The following GREB1 variants were observed in gnomAD, a reference collection of about 807,000 sequenced individuals.
GREB1 encodes growth regulating estrogen receptor binding 1.
A neutral mutation model predicts 200.7 loss-of-function variants in GREB1; 106 were observed. The ratio of observed to expected loss-of-function variants is 0.53; its 90% CI spans 0.45 to 0.62. GREB1 has a LOEUF of 0.62. Ranked by LOEUF, GREB1 falls within the 20% of genes least tolerant of loss-of-function variation. The probability of loss-of-function intolerance (pLI) is 0.00; values close to 1 mark genes in which losing one functional copy is unlikely to be tolerated. For synonymous variants in GREB1, 1,132 were observed against 1,092.4 expected (o/e 1.04, Z -0.72); for missense variants, 2,243 against 2,556.8 (o/e 0.88, Z 2.65).
At chr2:11,613,834 T>C (rs1683149659) in intron 19 of GREB1, among the ~76,000 whole-genome samples, 2 of 152,196 alleles carry the variant, frequency 1.3e-5, no homozygotes, top group Admixed American at 1.3e-4. Context: ...TCCTGTTTCA[T>C]GGTTGAGTCA....
chr2:11,637,788 G>T lies in GREB1; in HGVS notation c.5419G>T (p.Ala1807Ser). Residue 1807 changes from alanine (A) to serine (S), a missense_variant, in exon 31 of 33, where the codon GCA (alanine) becomes TCA (serine). Ala to Ser is a moderately conservative substitution (Grantham distance 99). This residue lies in a region of GREB1 where 478 missense variants were observed against 616.3 expected (regional missense o/e 0.78). Transcript: ENST00000381486. ...CAPDSKHTFL[A>S]APAQLLLEKF... is the part of the protein sequence containing the mutation. The stretch of plus-strand genomic sequence containing the variant: ...CCCGGACAGCAAGCACACGTTCCTC[G>T]CAGCGCCCGCCCAGCTCCTGCTGGA... The T allele has an allele frequency of 6.2e-7, 1 of 1,614,026 alleles. No homozygotes were observed. The highest frequency in any genetic ancestry group is 8.5e-7 in the Non-Finnish European group (1 of 1,180,010).
chr2:11,578,255 G>A (rs1359226799), intron 5 of GREB1, 42 bp from the exon 6 acceptor site: 8 of 1,589,324 alleles, frequency 5.0e-6, no homozygotes, highest in South Asian at 1.1e-5. Context: ...AGTTGTTGGA[G>A]AAGAGCGAGT....
chr2:11,590,758 A>G (rs995486273), intron 10 of GREB1, among the ~76,000 whole-genome samples: 2 of 152,176 alleles, frequency 1.3e-5, no homozygotes, highest in Non-Finnish European at 2.9e-5. Context: ...CCGATGTCCC[A>G]TAGCATCTGA....
intron 4 of GREB1, among the ~76,000 whole-genome samples, chr2:11,576,137 C>G (rs1201337411): frequency 6.6e-6 from 1 of 151,992 alleles, no homozygotes; most frequent in Non-Finnish European, 1.5e-5. Flanking sequence ...AACCCCGTCT[C>G]TACTAAAAAA....
chr2:11,631,370 A>T (rs76187647), intron 26 of GREB1, among the ~76,000 whole-genome samples: 1 of 152,232 alleles, frequency 6.6e-6, no homozygotes, highest in Non-Finnish European at 1.5e-5. Context: ...TACAAGAATA[A>T]TGTGTGCTCT....
At chr2:11,564,600 T>A (rs1482682579) in intron 3 of GREB1, among the ~76,000 whole-genome samples, 2 of 152,238 alleles carry the variant, frequency 1.3e-5, no homozygotes, top group African/African-American at 2.4e-5. Context: ...ACACTGTGAC[T>A]ACTCATGGCC....
At chr2:11,521,925 C>T (rs1016191122) in intron 1 of GREB1, among the ~76,000 whole-genome samples, 2 of 152,182 alleles carry the variant, frequency 1.3e-5, no homozygotes, top group African/African-American at 4.8e-5. Context: ...CCACACGTGT[C>T]CTGCAGCGAT....
At chr2:11,526,144 C>G (rs976572631) in intron 1 of GREB1, among the ~76,000 whole-genome samples, 1 of 152,150 alleles carries the variant, frequency 6.6e-6, no homozygotes, top group Non-Finnish European at 1.5e-5. Context: ...GGATAGAGCC[C>G]TAGTTTTATG....
At chr2:11,516,561 C>T (rs1202833008) in intron 1 of GREB1, among the ~76,000 whole-genome samples, 1 of 152,178 alleles carries the variant, frequency 6.6e-6, no homozygotes, top group Non-Finnish European at 1.5e-5. Context: ...CTCTTCTCTT[C>T]CCCACCCCAA....
chr2:11,617,014 G>C (rs34592059), intron 21 of GREB1, among the ~76,000 whole-genome samples: 2 of 152,158 alleles, frequency 1.3e-5, no homozygotes, highest in Non-Finnish European at 2.9e-5. Context: ...AGTCCTGGCC[G>C]TGTTAGGGGC....
chr2:11,641,755 GGA>G lies in GREB1; in HGVS notation c.*1302_*1303del, dbSNP rs1361604016. ...CCCGCCTCGGCCTCCCAAAGTGCTG[GGA>G]TTACAGGCGTGAGCCACCGTGCCTG... On this transcript the variant is annotated 3_prime_UTR_variant, in exon 33 of 33. Coordinates refer to ENST00000381486, the MANE Select transcript of GREB1 (RefSeq NM_014668.4). 6.6e-6 allele frequency: 1 copy of G among 152,252 alleles called. No homozygotes were observed. The highest frequency in any genetic ancestry group is 1.9e-4 in the East Asian group (1 of 5,186). 9.4% of individuals were successfully genotyped at this position (152,252 alleles called of 1,614,324 possible).
chr2:11,507,564 C>A lies in GREB1; in HGVS notation c.-159+25183C>A, dbSNP rs766314255. On this transcript the variant is annotated intron_variant, in intron 1 of 2. Transcript: ENST00000628795. ...CAAGAGTGAACATGCAAACTGTATT[C>A]TGTGTTTTATTAGTTCAGAGACCTT... 2.0e-5 allele frequency among the ~76,000 whole-genome samples: 3 copies of A among 152,152 alleles called. No homozygotes were observed. The East Asian group carries it at 5.8e-4, about 29-fold the overall frequency.
At chr2:11,564,439 G>A (rs1677413361) in intron 3 of GREB1, among the ~76,000 whole-genome samples, 1 of 152,172 alleles carries the variant, frequency 6.6e-6, no homozygotes, top group African/African-American at 2.4e-5. Context: ...CCAGCTACCG[G>A]GAGGCTGAGG....
chr2:11,562,551 C>A lies in GREB1; in HGVS notation c.246C>A (p.His82Gln). The A allele has an allele frequency of 6.2e-7, 1 of 1,600,180 alleles. No individual in the cohort carries two copies. Among genetic ancestry groups the A allele is most frequent in the South Asian group, 1.1e-5 (1 of 89,640 alleles). ...GCCCCCCAAACCCTTTCCAGCTGCA[C>A]CCTCTGCCTGAAGGATGCTGTACCA... ...TNGPPNPFQL[H>Q]PLPEGCCTTD... The change falls in exon 3 of 33, where the codon CAC (histidine) becomes CAA (glutamine). Residue 82 changes from histidine to glutamine, a missense_variant. Coordinates refer to ENST00000381486, the MANE Select transcript of GREB1 (RefSeq NM_014668.4).
rs1672796025 is a variant in GREB1, at chr2:11,492,576, A to C, written c.-159+10195A>C. ...GAGACCCTGACCTGGGTCCCCCCTG[A>C]GCTGAGTTCCCACTCACTGGGGCCT... On this transcript the variant is annotated intron_variant, in intron 1 of 2. Coordinates refer to the GREB1 transcript ENST00000628795. This position sits in a 1 kb window ranked among gnomAD's most constrained non-coding sequence, Gnocchi z 4.0. Among the ~76,000 whole-genome samples, 1 of 152,082 alleles carries C rather than the reference A, an allele frequency of 6.6e-6. No individual in the cohort carries two copies. Among genetic ancestry groups the C allele is most frequent in the Non-Finnish European group, 1.5e-5 (1 of 68,016 alleles).
chr2:11,609,526 A>G (rs1430525223), intron 17 of GREB1, among the ~76,000 whole-genome samples: 1 of 152,022 alleles, frequency 6.6e-6, no homozygotes, highest in African/African-American at 2.4e-5. Flanking sequence ...CCTGGGCATT[A>G]TTTGACAGGT....
chr2:11,510,983 G>T (rs546171032), intron 1 of GREB1, among the ~76,000 whole-genome samples: 1 of 152,170 alleles, frequency 6.6e-6, no homozygotes, highest in South Asian at 2.1e-4. Flanking sequence ...AATTATGAAC[G>T]TATGGATTTT....
rs764856499 is a variant in GREB1, at chr2:11,634,305, C to T, written c.5166C>T (p.Ile1722=). 3.1e-6 allele frequency: 5 copies of T among 1,614,160 alleles called. No homozygotes were observed. In the South Asian group the frequency reaches 4.4e-5, roughly 14 times the overall value. ...FSRCHVHNFI[I]LNVDLTQNVQ... is the part of the protein sequence containing the mutation. ...GCTGCCACGTGCACAACTTCATCAT[C>T]CTGAACGTGGACCTGACCCAGAACG... Residue 1722 remains isoleucine (I), a synonymous_variant, in exon 29 of 33, where the codon ATC becomes ATT. Coordinates refer to ENST00000381486, the MANE Select transcript of GREB1 (RefSeq NM_014668.4).
intron 1 of GREB1, among the ~76,000 whole-genome samples, chr2:11,543,354 G>A (rs1426151661): frequency 1.3e-5 from 2 of 152,148 alleles, no homozygotes; most frequent in Non-Finnish European, 2.9e-5. Flanking sequence ...AGAATTATGG[G>A]CAGTTAATTC....
Sources: gnomAD v4.1 joint callset for allele counts (sites outside exome capture counted in the v4.1 genomes callset) on GRCh38, gnomAD v4.1.1 for gene constraint, gnomAD v4.1.1 regional missense constraint, Gnocchi (gnomAD v3.1) non-coding constraint, MANE v1.5 for transcripts, NCBI Gene and HGNC (gene_info 2026-07-23, HGNC 2026-07-21) for gene names.